The following WDR19 variants were observed in gnomAD, a reference collection of about 807,000 sequenced individuals.
The protein encoded by WDR19 is WD repeat-containing protein 19.
Under a neutral mutation model 180.0 loss-of-function variants are expected in WDR19, and 121 were observed. That is an observed-to-expected ratio of 0.67 (90% CI 0.58 to 0.78). The LOEUF (loss-of-function observed/expected upper bound fraction) is 0.78. Among genes scored for constraint, WDR19 ranks in the 30% least tolerant of loss-of-function variants. The pLI is 0.00. For missense variants in WDR19, 1,450 were observed against 1,640.7 expected (o/e 0.88, Z 2.01); for synonymous variants, 497 against 540.7 (o/e 0.92, Z 1.12).
intron 31 of WDR19, among the ~76,000 whole-genome samples, chr4:39,271,055 C>T (rs28515848): frequency 0.42 from 64,047 of 151,826 alleles, 15,497 homozygotes; most frequent in African/African-American, 0.68. Flanking sequence ...CCACCACACC[C>T]GGCTAATTTT....
At chr4:39,284,135 C>CATT (rs1372084889) in intron 36 of WDR19, among the ~76,000 whole-genome samples, 18 of 146,184 alleles carry the variant, frequency 1.2e-4, no homozygotes, top group African/African-American at 4.5e-4. Context: ...CATTTTGAGA[C>CATT]ATTATTTCTT....
At chr4:39,250,662 C>T (rs532828195) in intron 24 of WDR19, among the ~76,000 whole-genome samples, 3 of 152,328 alleles carry the variant, frequency 2.0e-5, no homozygotes, top group African/African-American at 7.2e-5. Context: ...AGCAAAGTCT[C>T]AGGATACAAA....
At chr4:39,239,388 A>T (rs751064486) in intron 20 of WDR19, among the ~76,000 whole-genome samples, 14 of 152,058 alleles carry the variant, frequency 9.2e-5, no homozygotes, top group Admixed American at 3.3e-4. Flanking sequence ...TAATAAATTG[A>T]CAGCCCTCCA....
chr4:39,281,236 T>TATAGAGAGAGAGAGAGAG (rs762298152), intron 36 of WDR19, among the ~76,000 whole-genome samples: 243 of 103,868 alleles, frequency 2.3e-3, no homozygotes, highest in African/African-American at 4.8e-3. Flanking sequence ...TATATATATA[T>TATAGAGAGAGAGAGAGAG]AGAGAGAGAG....
intron 14 of WDR19, among the ~76,000 whole-genome samples, chr4:39,219,302 T>C (rs1247368777): frequency 6.6e-6 from 1 of 152,232 alleles, no homozygotes; most frequent in African/African-American, 2.4e-5. Context: ...GGTAATGCCT[T>C]ATGCTCTGAC....
At position 39,228,245 on chromosome 4, in the gene WDR19, A is replaced by C. The variant is rs958447995; in HGVS notation, c.1665A>C (p.Ser555=). 3 of 1,613,332 alleles carry C rather than the reference A, an allele frequency of 1.9e-6. No individual in the cohort carries two copies. In the African/African-American group the frequency reaches 4.0e-5, roughly 22 times the overall value. ...CTACCTATGAGATTCCAGATTTTTC[A>C]CCAACCATTAAAGGTGTTCTTTGGG... The part of the protein sequence containing the change: ...NDATYEIPDF[S]PTIKGVLWEN... The change falls in exon 16 of 37, where the codon TCA becomes TCC. Residue 555 remains serine (S), a synonymous_variant. Coordinates refer to ENST00000399820, the MANE Select transcript of WDR19 (RefSeq NM_025132.4).
chr4:39,207,982 T>C (rs1116096), intron 9 of WDR19, among the ~76,000 whole-genome samples: 147,779 of 152,214 alleles, frequency 0.97, 71,889 homozygotes, highest in Middle Eastern at 1. Context: ...AGGGTAAAAG[T>C]TTTTGTATGC....
chr4:39,264,621 T>G (rs775102187), intron 28 of WDR19, among the ~76,000 whole-genome samples: 9 of 152,132 alleles, frequency 5.9e-5, no homozygotes, highest in Non-Finnish European at 1.2e-4. Context: ...AGTGATCATC[T>G]CCTCCATTTT....
chr4:39,283,781 G>GTAT (rs1172479218), intron 36 of WDR19, among the ~76,000 whole-genome samples: 1 of 151,962 alleles, frequency 6.6e-6, no homozygotes, highest in African/African-American at 2.4e-5. Context: ...TTTCCATATG[G>GTAT]TATTATTTCC....
intron 4 of WDR19, among the ~76,000 whole-genome samples, chr4:39,190,341 G>A (rs1726021027): frequency 6.6e-6 from 1 of 152,126 alleles, no homozygotes; most frequent in Admixed American, 6.5e-5. Flanking sequence ...CAAAGGGCAG[G>A]GCAGTTCCCA....
chr4:39,197,587 A>C lies in WDR19; in HGVS notation c.407-1891A>C, dbSNP rs1022879384. 5.9e-5 allele frequency among the ~76,000 whole-genome samples: 9 copies of C among 152,102 alleles called. No homozygotes were observed. The East Asian group carries it at 1.7e-3, about 29-fold the overall frequency. On this transcript the variant is annotated intron_variant, in intron 5 of 36. Transcript: ENST00000399820. The stretch of plus-strand genomic sequence containing the variant: ...TCTCATTAGTAGAATTACCCTTGGG[A>C]CTCTTGAGGATTTATCTATCCCAAG...
At chr4:39,191,149 C>T (rs1355044856) in intron 4 of WDR19, among the ~76,000 whole-genome samples, 1 of 152,234 alleles carries the variant, frequency 6.6e-6, no homozygotes, top group East Asian at 1.9e-4. Flanking sequence ...ATTAAGGTTG[C>T]TTTACTGTTG....
Position 39,265,101 on chromosome 4 carries a change from G to A in WDR19, c.3184-962G>A, listed in dbSNP as rs528158877. ...ACCCAGCTAATTTTTGTATTTTTAG[G>A]AGAGATAGGATCTCGTCATGTTGGC... On this transcript the variant is annotated intron_variant, in intron 28 of 36. Transcript: ENST00000399820. Among the ~76,000 whole-genome samples the A allele has an allele frequency of 6.1e-4, 92 of 151,696 alleles. 1 individual carries two copies. The highest frequency in any genetic ancestry group is 1.7e-3 in the Admixed American group (26 of 15,230).
intron 33 of WDR19, among the ~76,000 whole-genome samples, chr4:39,276,317 T>G (rs1341289996): frequency 6.6e-6 from 1 of 152,046 alleles, no homozygotes; most frequent in Non-Finnish European, 1.5e-5. Flanking sequence ...TACCTGCTAG[T>G]ATGGAGAGTG....
Position 39,234,805 on chromosome 4 carries a change from C to A in WDR19, c.2293C>A (p.Leu765Met). The A allele has an allele frequency of 6.3e-7, 1 of 1,585,448 alleles. No individual in the cohort carries two copies. The highest frequency in any genetic ancestry group is 1.3e-5 in the African/African-American group (1 of 74,544). The change falls in exon 20 of 37, where the codon CTG becomes ATG. Residue 765 changes from leucine to methionine, a missense_variant. Physicochemically the swap from Leu to Met is conservative, Grantham distance 15. Coordinates refer to ENST00000399820, the MANE Select transcript of WDR19 (RefSeq NM_025132.4). ...ACAGCATTGGGACAGTGCTCTACAACTGGCAAAGCATTTGGCCCCAGACCA... is the reference window on the plus strand; with the variant it reads ...ACAGCATTGGGACAGTGCTCTACAAATGGCAAAGCATTTGGCCCCAGACCA... The part of the protein sequence containing the change: ...DLQHWDSALQ[L>M]AKHLAPDQIP...
chr4:39,243,005 A>G (rs1732128188), intron 21 of WDR19, among the ~76,000 whole-genome samples: 1 of 152,168 alleles, frequency 6.6e-6, no homozygotes. Flanking sequence ...TTAGCTGGGT[A>G]TGGTAGCATT....
At chr4:39,269,783 GAC>G (rs1735164965) in intron 30 of WDR19, among the ~76,000 whole-genome samples, 191 bp from the exon 31 acceptor site, 1 of 152,176 alleles carries the variant, frequency 6.6e-6, no homozygotes, top group Non-Finnish European at 1.5e-5. Flanking sequence ...CAGCCTTGGT[GAC>G]AGAGCGAGAC....
At chr4:39,215,322 TTTC>T (rs999312164) in intron 10 of WDR19, among the ~76,000 whole-genome samples, 6 of 151,980 alleles carry the variant, frequency 3.9e-5, no homozygotes, top group Admixed American at 6.6e-5. Context: ...TCTTTCTTTC[TTTC>T]TTTTTTTTTG....
At chr4:39,240,595 A>G (rs1026144232) in intron 21 of WDR19, among the ~76,000 whole-genome samples, 12 of 152,144 alleles carry the variant, frequency 7.9e-5, no homozygotes, top group Admixed American at 1.3e-4. Context: ...TGGAAATAAG[A>G]TTTTTATCCT....
Sources: allele counts gnomAD v4.1 joint callset (sites outside exome capture counted in the v4.1 genomes callset), GRCh38; gene constraint gnomAD v4.1.1; transcripts MANE v1.5; gene names NCBI Gene and HGNC (gene_info 2026-07-23, HGNC 2026-07-21).